The following EPYC variants were observed in gnomAD, a reference collection of about 807,000 sequenced individuals.
EPYC encodes the protein dermatan sulfate proteoglycan 3.
In EPYC, 28 loss-of-function variants were observed where a neutral mutation model predicts 30.1. That is an observed-to-expected ratio of 0.93 (90% CI 0.69 to 1.28). The LOEUF is 1.28. EPYC is among the 50% of genes most tolerant of loss of function. EPYC has a pLI of 0.00. For missense variants in EPYC, 382 were observed against 383.5 expected (o/e 1.00, Z 0.03); for synonymous variants, 144 against 141.4 (o/e 1.02, Z -0.13).
At chr12:90,986,524 G>A (rs867305397) in intron 2 of EPYC, among the ~76,000 whole-genome samples, 3 of 152,268 alleles carry the variant, frequency 2.0e-5, no homozygotes, top group Middle Eastern at 3.4e-3. Flanking sequence ...ATGGTAGGAA[G>A]CAGGATAGTT....
At chr12:90,992,890 A>G (rs1021037080) in intron 2 of EPYC, among the ~76,000 whole-genome samples, 1 of 152,192 alleles carries the variant, frequency 6.6e-6, no homozygotes, top group Non-Finnish European at 1.5e-5. Context: ...CTGCCAGTTC[A>G]GGGACCACAC....
intron 3 of EPYC, among the ~76,000 whole-genome samples, chr12:90,976,767 G>A (rs891484124): frequency 5.3e-5 from 8 of 152,118 alleles, no homozygotes; most frequent in African/African-American, 1.9e-4. Flanking sequence ...GAGAGACCTA[G>A]TGGGAGATAA....
chr12:90,978,127 G>C lies in EPYC; in HGVS notation c.301C>G (p.Pro101Ala). 3 of 1,593,480 alleles carry C rather than the reference G, an allele frequency of 1.9e-6. No homozygotes were observed. The highest frequency in any genetic ancestry group is 2.6e-6 in the Non-Finnish European group (3 of 1,172,708). The change falls in exon 3 of 7, where the codon CCT (proline) becomes GCT (alanine). Residue 101 changes from proline (P) to alanine (A), a missense_variant. Transcript: ENST00000261172. ...RLIDGSSPQEPEFTGVLGPHT... is the reference protein window; with the variant it reads ...RLIDGSSPQEAEFTGVLGPHT... ...GGCCCCAGAACCCCTGTGAATTCAG[G>C]CTCCTGGGGAGAAGAGCCATCAATC...
At chr12:91,004,799 A>G (rs1248460318) in intron 1 of EPYC, 148 bp downstream of exon 1, 1 of 152,152 alleles carries the variant, frequency 6.6e-6, no homozygotes, top group African/African-American at 2.4e-5. Context: ...CAAGAATAAT[A>G]TAAATACAAA....
intron 2 of EPYC, among the ~76,000 whole-genome samples, chr12:90,993,497 G>A (rs2120857638): frequency 6.6e-6 from 1 of 152,192 alleles, no homozygotes; most frequent in East Asian, 1.9e-4. Context: ...AGCAAGTATA[G>A]GGGTTCCCTA....
intron 6 of EPYC, among the ~76,000 whole-genome samples, chr12:90,965,888 A>G (rs1178757084): frequency 6.6e-6 from 1 of 152,014 alleles, no homozygotes; most frequent in South Asian, 2.1e-4. Flanking sequence ...TGTGACTATT[A>G]TAAACAGGAT....
chr12:90,964,024 A>C lies in EPYC; in HGVS notation c.*132T>G, dbSNP rs1876827821. 2.8e-5 allele frequency: 16 copies of C among 572,088 alleles called. No individual in the cohort carries two copies. In the South Asian group the frequency reaches 6.3e-4, roughly 23 times the overall value. The allele number at this position is 572,088 out of a possible 1,614,324, so 35.4% of individuals were successfully genotyped here. A position where few individuals can be genotyped will look rare whatever the true frequency, so the allele number is the denominator to read the frequency against. On this transcript the variant is annotated 3_prime_UTR_variant, in exon 7 of 7. Transcript: ENST00000261172. Reference sequence around the variant, plus strand: ...ACTACATTTTCATTATAACATTTTTAATTGTATTTTATGTAGTCATATCAT... The same window carrying C: ...ACTACATTTTCATTATAACATTTTTCATTGTATTTTATGTAGTCATATCAT...
At position 90,971,994 on chromosome 12, in the gene EPYC, T is replaced by C. The variant is rs1268424778; in HGVS notation, c.508A>G (p.Lys170Glu). The change falls in exon 5 of 7, where the codon AAA (lysine) becomes GAA (glutamate). Residue 170 changes from lysine (K) to glutamate (E), a missense_variant. Lys to Glu is a moderately conservative substitution (Grantham distance 56). Transcript: ENST00000261172. ...KNDFASLSDL[K>E]RIDLTSNLIS... Reference sequence around the variant, plus strand: ...AAATTTGATGTCAGATCAATCCTTTTTAAATCACCTAGCAGAAAAAAATAA... The same window carrying C: ...AAATTTGATGTCAGATCAATCCTTTCTAAATCACCTAGCAGAAAAAAATAA... The C allele has an allele frequency of 6.4e-7, 1 of 1,556,120 alleles. No homozygotes were observed. The highest frequency in any genetic ancestry group is 2.3e-5 in the East Asian group (1 of 43,234).
At chr12:90,977,288 T>C (rs564857195) in intron 3 of EPYC, among the ~76,000 whole-genome samples, 1 of 152,232 alleles carries the variant, frequency 6.6e-6, no homozygotes, top group East Asian at 1.9e-4. Flanking sequence ...ACCCCCAAGG[T>C]TGACAGTGAC....
Position 90,971,833 on chromosome 12 carries a change from A to C in EPYC, c.669T>G (p.Leu223=), listed in dbSNP as rs746241761. 1.2e-6 allele frequency: 2 copies of C among 1,608,704 alleles called. No homozygotes were observed. Among genetic ancestry groups the C allele is most frequent in the Admixed American group, 3.4e-5 (2 of 58,624 alleles). The part of the protein sequence containing the change: ...LTFIDISNNR[L]GRKGIKQEAF... ...CTTCTTGCTTTATCCCTTTCCTTCC[A>C]AGTCTATTGTTGCTAATATCAATAA... The change falls in exon 5 of 7, where the codon CTT becomes CTG. Residue 223 remains leucine, a synonymous_variant. Coordinates refer to ENST00000261172, the MANE Select transcript of EPYC (RefSeq NM_004950.5).
chr12:90,981,718 T>C (rs998958885), intron 2 of EPYC, among the ~76,000 whole-genome samples: 4 of 152,158 alleles, frequency 2.6e-5, no homozygotes, highest in African/African-American at 4.8e-5. Flanking sequence ...ATCTTCCTGA[T>C]TGCTTCATTA....
At chr12:90,995,649 T>C (rs1484370407) in intron 2 of EPYC, among the ~76,000 whole-genome samples, 1 of 151,860 alleles carries the variant, frequency 6.6e-6, no homozygotes, top group African/African-American at 2.4e-5. Context: ...CTTATGTTTG[T>C]GGTCTCATAA....
intron 2 of EPYC, among the ~76,000 whole-genome samples, chr12:90,987,172 G>C (rs1407363678): frequency 1.3e-5 from 2 of 151,894 alleles, no homozygotes; most frequent in African/African-American, 4.8e-5. Context: ...AAATTCAAAG[G>C]GTATCAACCT....
At chr12:91,000,287 AG>A (rs1345240857) in intron 2 of EPYC, among the ~76,000 whole-genome samples, 2 of 152,232 alleles carry the variant, frequency 1.3e-5, no homozygotes, top group East Asian at 3.9e-4. Flanking sequence ...TAAAGGCTGA[AG>A]TATGTAAAGA....
rs115739325 is a variant in EPYC at position 91,004,262 on chromosome 12, C to A, written c.-14+685G>T. Among the ~76,000 whole-genome samples the A allele has an allele frequency of 3.0e-3, 450 of 152,176 alleles. 4 individuals carry two copies. Among genetic ancestry groups the A allele is most frequent in the African/African-American group, 0.01 (434 of 41,534 alleles). On this transcript the variant is annotated intron_variant, in intron 1 of 6. Coordinates refer to ENST00000261172, the MANE Select transcript of EPYC (RefSeq NM_004950.5). ...TCTCACATCATACTATATTTGATTA[C>A]ATATAGCTACATCTCAGAATTTGCT...
chr12:90,978,551 A>G (rs373703999), intron 2 of EPYC, among the ~76,000 whole-genome samples: 2 of 152,140 alleles, frequency 1.3e-5, no homozygotes. Flanking sequence ...ATAGGTTTAA[A>G]AAAAAGCTCA....
chr12:90,976,121 G>A (rs1035812994), intron 3 of EPYC, among the ~76,000 whole-genome samples: 62 of 152,196 alleles, frequency 4.1e-4, no homozygotes, highest in African/African-American at 1.5e-3. Context: ...ATTACTTATT[G>A]AAGAACAGTT....
intron 5 of EPYC, among the ~76,000 whole-genome samples, chr12:90,970,374 A>G (rs901174092): frequency 1.3e-5 from 2 of 152,170 alleles, no homozygotes; most frequent in Admixed American, 6.5e-5. Flanking sequence ...TAAAAATACA[A>G]TGTGTTTCTC....
intron 2 of EPYC, among the ~76,000 whole-genome samples, chr12:90,990,886 C>G (rs554035089): frequency 6.6e-6 from 1 of 152,216 alleles, no homozygotes; most frequent in East Asian, 1.9e-4. Flanking sequence ...TTTTTTCTCT[C>G]TACTTCCAAA....
Sources: gnomAD v4.1 joint callset for allele counts (sites outside exome capture counted in the v4.1 genomes callset) on GRCh38, gnomAD v4.1.1 for gene constraint, MANE v1.5 for transcripts, NCBI Gene and HGNC (gene_info 2026-07-23, HGNC 2026-07-21) for gene names.